ZMYM2: variants seen among roughly 807,000 people sequenced by gnomAD.
ZMYM2 encodes zinc finger MYM-type protein 2.
A neutral mutation model predicts 162.8 loss-of-function variants in ZMYM2; 56 were observed. The observed-to-expected ratio is 0.34, with a 90% CI of 0.28 to 0.43. The LOEUF (loss-of-function observed/expected upper bound fraction) is 0.43, where lower values mean the gene tolerates loss of function less well. ZMYM2 is among the 20% of genes least tolerant of loss of function. ZMYM2 has a pLI of 1.00. For missense variants in ZMYM2, 1,275 were observed against 1,621.8 expected (o/e 0.79, Z 3.67); for synonymous variants, 510 against 541.6 (o/e 0.94, Z 0.81).
intron 12 of ZMYM2, among the ~76,000 whole-genome samples, chr13:20,045,604 T>G (rs1593088662): frequency 6.6e-6 from 1 of 152,202 alleles, no homozygotes; most frequent in South Asian, 2.1e-4. Context: ...AAGTGCACTT[T>G]TATACCCATT....
intron 10 of ZMYM2, among the ~76,000 whole-genome samples, chr13:20,033,164 G>A (rs557559166): frequency 6.6e-6 from 1 of 152,006 alleles, no homozygotes; most frequent in Non-Finnish European, 1.5e-5. Flanking sequence ...AAATCCATTA[G>A]CAAGCATACA....
rs1372483664 is a variant in ZMYM2 at position 20,027,193 on chromosome 13, T to C, written c.1736-10T>C. Reference sequence around the variant, plus strand: ...ATAAACAAATCAGATATGTACCTTTTCTTTCCTAGGTTTGGGAATTATTTG... The same window carrying C: ...ATAAACAAATCAGATATGTACCTTTCCTTTCCTAGGTTTGGGAATTATTTG... On this transcript the variant is annotated splice_polypyrimidine_tract_variant and intron_variant, in intron 8 of 24. Coordinates refer to ENST00000610343, the MANE Select transcript of ZMYM2 (RefSeq NM_197968.4). 34 of 1,548,540 alleles carry C rather than the reference T, an allele frequency of 2.2e-5. No homozygotes were observed. Among genetic ancestry groups the C allele is most frequent in the Non-Finnish European group, 2.8e-5 (32 of 1,144,954 alleles).
the ZMYM2 span, among the ~76,000 whole-genome samples, chr13:19,895,076 CAAAA>C: frequency 1.2e-5 from 1 of 83,752 alleles, no homozygotes; most frequent in Non-Finnish European, 2.2e-5. Flanking sequence ...AACTCCATCT[CAAAA>C]AAAAAAAAAA....
At chr13:19,886,321 C>T in the ZMYM2 span, among the ~76,000 whole-genome samples, 1 of 150,894 alleles carries the variant, frequency 6.6e-6, no homozygotes, top group African/African-American at 2.5e-5. Context: ...TACACCACCA[C>T]ACCCGGCTAA....
chr13:20,032,557 A>G, intron 10 of ZMYM2, among the ~76,000 whole-genome samples: 1 of 150,394 alleles, frequency 6.6e-6, no homozygotes, highest in East Asian at 2.0e-4. Flanking sequence ...GTCTTAAGTG[A>G]AAGGTGGTAC....
the ZMYM2 span, among the ~76,000 whole-genome samples, chr13:19,878,700 T>C: frequency 6.6e-6 from 1 of 152,184 alleles, no homozygotes; most frequent in Non-Finnish European, 1.5e-5. Flanking sequence ...TTTTATATTT[T>C]TAGTAGAGAC....
At chr13:19,867,329 G>A in the ZMYM2 span, among the ~76,000 whole-genome samples, 1 of 144,372 alleles carries the variant, frequency 6.9e-6, no homozygotes, top group African/African-American at 2.6e-5. Context: ...CAGCCTGGGC[G>A]ACAAGAGCGA....
At chr13:20,058,908 G>A (rs1016502774) in intron 15 of ZMYM2, 1 of 746,328 alleles carries the variant, frequency 1.3e-6, no homozygotes, top group Non-Finnish European at 2.3e-6. Context: ...TCTGATAAAG[G>A]CCTAGAATAC....
intron 3 of ZMYM2, among the ~76,000 whole-genome samples, chr13:19,995,224 C>A (rs776602906): frequency 6.6e-6 from 1 of 151,684 alleles, no homozygotes; most frequent in Non-Finnish European, 1.5e-5. Flanking sequence ...TCCTTTTTTT[C>A]TTTTCTAAAA....
Position 20,077,306 on chromosome 13 carries a change from C to A in ZMYM2, c.3454-4710C>A, listed in dbSNP as rs377417933. Among the ~76,000 whole-genome samples, 21 of 150,424 alleles carry A rather than the reference C, an allele frequency of 1.4e-4. No homozygotes were observed. In the East Asian group the frequency reaches 3.1e-3, roughly 22 times the overall value. On this transcript the variant is annotated intron_variant, in intron 21 of 24. Transcript: ENST00000610343. ...TGCTTGATGTGTCATTCAGTCCTCT[C>A]AACAACTTTACTATAATTATCAGCA... is the stretch of plus-strand genomic sequence containing the variant.
intron 7 of ZMYM2, chr13:20,026,132 TAAGAGAAGTTCC>T (rs1952561521): frequency 6.6e-6 from 1 of 152,234 alleles, no homozygotes; most frequent in African/African-American, 2.4e-5. Context: ...AAATCATTTT[TAAGAGAAGTTCC>T]AAGAGTGCTT....
the ZMYM2 span, among the ~76,000 whole-genome samples, chr13:19,905,835 G>A: frequency 2.0e-5 from 3 of 152,264 alleles, no homozygotes; most frequent in South Asian, 2.1e-4. Flanking sequence ...TTGGCCTCAT[G>A]TACCTGAACA....
chr13:19,948,114 C>G, the ZMYM2 span, among the ~76,000 whole-genome samples: 2 of 151,858 alleles, frequency 1.3e-5, no homozygotes, highest in South Asian at 2.1e-4. Context: ...CAAATGCTAA[C>G]AAAGATGTGG....
rs543107121 is a variant in ZMYM2, at chr13:19,980,325, C to A, written c.-10-12738C>A. On this transcript the variant is annotated intron_variant, in intron 2 of 24. Coordinates refer to ENST00000610343, the MANE Select transcript of ZMYM2 (RefSeq NM_197968.4). ...TGAAATTTCATTGTATACTAAATTC[C>A]TTGATATATTGGGTCTGTTTCAGAC... Among the ~76,000 whole-genome samples, 3 of 152,036 alleles carry A rather than the reference C, an allele frequency of 2.0e-5. No homozygotes were observed. The East Asian group carries it at 5.8e-4, about 29-fold the overall frequency.
chr13:20,005,995 G>A (rs1469360486), intron 5 of ZMYM2, among the ~76,000 whole-genome samples: 1 of 152,180 alleles, frequency 6.6e-6, no homozygotes, highest in Non-Finnish European at 1.5e-5. Context: ...ACTTTGGGAA[G>A]CCAAGGTGGG....
the ZMYM2 span, among the ~76,000 whole-genome samples, chr13:19,938,370 G>A: frequency 7.0e-4 from 106 of 152,222 alleles, no homozygotes; most frequent in Non-Finnish European, 1.2e-3. Context: ...TTAGCCGGGC[G>A]TGATGGTGCG....
At chr13:20,061,309 C>A (rs1412698762) in intron 17 of ZMYM2, 85 bp downstream of exon 17, 2 of 1,443,666 alleles carry the variant, frequency 1.4e-6, no homozygotes, top group Non-Finnish European at 1.9e-6. Flanking sequence ...CAGGGCATAT[C>A]ATTTTGTTTC....
chr13:20,083,885 T>C (rs1958067232), intron 24 of ZMYM2, 109 bp downstream of exon 24: 1 of 1,157,628 alleles, frequency 8.6e-7, no homozygotes, highest in South Asian at 1.4e-5. Flanking sequence ...CTCAGATTTC[T>C]TCTCTCTCAG....
chr13:20,028,935 C>T (rs1250519731), intron 9 of ZMYM2, among the ~76,000 whole-genome samples: 2 of 151,926 alleles, frequency 1.3e-5, no homozygotes, highest in Admixed American at 6.6e-5. Context: ...AGCTTCATCT[C>T]TCTGCATATA....
Sources: allele counts gnomAD v4.1 joint callset (sites outside exome capture counted in the v4.1 genomes callset), GRCh38; gene constraint gnomAD v4.1.1; transcripts MANE v1.5; gene names NCBI Gene and HGNC (gene_info 2026-07-23, HGNC 2026-07-21).